The following IDO2 variants were observed in gnomAD, a reference collection of about 807,000 sequenced individuals.
The protein encoded by IDO2 is indoleamine 2,3-dioxygenase-like 1 protein.
In IDO2, 46 loss-of-function variants were observed where a neutral mutation model predicts 45.1. The observed-to-expected ratio is 1.02, with a 90% CI of 0.80 to 1.30. The LOEUF (loss-of-function observed/expected upper bound fraction) is 1.30. IDO2 is among the 50% of genes most tolerant of loss of function. The probability of loss-of-function intolerance (pLI) is 0.00; values close to 1 mark genes in which losing one functional copy is unlikely to be tolerated. For synonymous variants in IDO2, 218 were observed against 184.9 expected (o/e 1.18, Z -1.45); for missense variants, 544 against 491.8 (o/e 1.11, Z -1.00).
chr8:40,005,268 C>T, intron 8 of IDO2, 59 bp from the exon 9 acceptor site: 1 of 1,227,312 alleles, frequency 8.1e-7, no homozygotes, highest in African/African-American at 1.5e-5. Context: ...GGCCCATGCA[C>T]ATGTAACCAA....
At chr8:39,971,355 G>T (rs556652964) in intron 3 of IDO2, among the ~76,000 whole-genome samples, 3 of 152,122 alleles carry the variant, frequency 2.0e-5, no homozygotes, top group Non-Finnish European at 4.4e-5. Flanking sequence ...AAATATTACT[G>T]CTTATTAACA....
At chr8:39,973,595 T>A (rs952117810) in intron 3 of IDO2, among the ~76,000 whole-genome samples, 3 of 152,096 alleles carry the variant, frequency 2.0e-5, no homozygotes, top group African/African-American at 7.2e-5. Flanking sequence ...GCATTCTAAT[T>A]GTGCATTGTG....
intron 5 of IDO2, among the ~76,000 whole-genome samples, chr8:39,984,732 G>A (rs2129594580): frequency 6.6e-6 from 1 of 152,252 alleles, no homozygotes; most frequent in African/African-American, 2.4e-5. Flanking sequence ...AAATGTCAAA[G>A]AGTGACTCAA....
At chr8:39,990,643 T>A (rs1274525120) in intron 8 of IDO2, among the ~76,000 whole-genome samples, 5 of 152,228 alleles carry the variant, frequency 3.3e-5, no homozygotes, top group Non-Finnish European at 7.3e-5. Context: ...AGTTACATAA[T>A]TGTCCTCATT....
chr8:39,988,729 C>G (rs1226267196), intron 7 of IDO2, among the ~76,000 whole-genome samples: 1 of 152,088 alleles, frequency 6.6e-6, no homozygotes, highest in African/African-American at 2.4e-5. Flanking sequence ...CACTACCTCC[C>G]TTGATAAGCA....
At chr8:39,962,767 A>T (rs1808019213) in intron 2 of IDO2, among the ~76,000 whole-genome samples, 1 of 152,228 alleles carries the variant, frequency 6.6e-6, no homozygotes, top group Non-Finnish European at 1.5e-5. Context: ...TGGTTCCACC[A>T]GTTTTCCTAC....
intron 2 of IDO2, among the ~76,000 whole-genome samples, chr8:39,961,320 CTTTT>C (rs57577433): frequency 2.8e-5 from 3 of 106,112 alleles, no homozygotes; most frequent in Non-Finnish European, 1.9e-5. Flanking sequence ...TTGTATACTT[CTTTT>C]TTTTTTTTTT....
chr8:39,944,596 C>T (rs4090533), intron 1 of IDO2, among the ~76,000 whole-genome samples: 1 of 152,064 alleles, frequency 6.6e-6, no homozygotes, highest in Non-Finnish European at 1.5e-5. Flanking sequence ...GCTATATCCG[C>T]AATTCACAGG....
At chr8:40,011,252 C>T (rs1238810205) in intron 9 of IDO2, among the ~76,000 whole-genome samples, 1 of 152,134 alleles carries the variant, frequency 6.6e-6, no homozygotes, top group Non-Finnish European at 1.5e-5. Flanking sequence ...TAGAGAAGAC[C>T]ATTTGGGAAT....
At chr8:39,968,078 C>CA (rs35600937) in intron 3 of IDO2, among the ~76,000 whole-genome samples, 46,813 of 139,104 alleles carry the variant, frequency 0.34, 8,513 homozygotes, top group African/African-American at 0.51. Context: ...TCATAATCAC[C>CA]AAAAAAAAAA....
intron 9 of IDO2, among the ~76,000 whole-genome samples, chr8:40,007,630 G>A (rs968454314): frequency 1.3e-5 from 2 of 152,138 alleles, no homozygotes; most frequent in Non-Finnish European, 2.9e-5. Context: ...AACAGACTGG[G>A]ATTTAGGAAG....
At chr8:40,015,553 A>T in exon 11 of IDO2, 1 of 1,613,926 alleles carries the variant, frequency 6.2e-7, no homozygotes, top group Non-Finnish European at 8.5e-7. Flanking sequence ...AGCTTTCTTA[A>T]GAGTGTCAGG....
intron 7 of IDO2, among the ~76,000 whole-genome samples, chr8:39,988,491 G>T (rs1371460063): frequency 1.3e-5 from 2 of 152,212 alleles, no homozygotes; most frequent in Admixed American, 6.5e-5. Flanking sequence ...GAGTGCAATG[G>T]CGTGGTTTTA....
intron 1 of IDO2, among the ~76,000 whole-genome samples, chr8:39,937,931 T>C (rs116691269): frequency 0.014 from 2,145 of 152,290 alleles, 64 homozygotes; most frequent in African/African-American, 0.049. Context: ...TTGTAGACCA[T>C]GCAAACAATC....
intron 8 of IDO2, among the ~76,000 whole-genome samples, chr8:39,996,916 C>A (rs1802053623): frequency 6.6e-6 from 1 of 152,180 alleles, no homozygotes; most frequent in African/African-American, 2.4e-5. Context: ...TTAACAGGCA[C>A]AATGAACATT....
At chr8:40,000,763 T>G (rs1802122862) in intron 8 of IDO2, among the ~76,000 whole-genome samples, 1 of 152,174 alleles carries the variant, frequency 6.6e-6, no homozygotes, top group Non-Finnish European at 1.5e-5. Flanking sequence ...CAACAGGACT[T>G]TACATTCATC....
intron 3 of IDO2, among the ~76,000 whole-genome samples, chr8:39,978,485 A>ACG (rs916221883): frequency 6.6e-6 from 1 of 151,982 alleles, no homozygotes; most frequent in Non-Finnish European, 1.5e-5. Flanking sequence ...TACCGCCTTT[A>ACG]CGCGTCACAG....
At position 40,005,390 on chromosome 8, in the gene IDO2, T is replaced by C; in HGVS notation, c.719+12T>C. 1 of 1,530,426 alleles carries C rather than the reference T, an allele frequency of 6.5e-7. No individual in the cohort carries two copies. The highest frequency in any genetic ancestry group is 8.9e-7 in the Non-Finnish European group (1 of 1,122,174). The allele number at this position is 1,530,426 out of a possible 1,614,324, so 94.8% of individuals were successfully genotyped here. On this transcript the variant is annotated intron_variant, in intron 9 of 10. Coordinates refer to ENST00000502986, the Ensembl canonical transcript of IDO2. ...ATCTTTCTCTCTGGGTAAGTATAGT[T>C]CAGTTGTTTTCCTGTGTGAAGTCTC...
intron 1 of IDO2, among the ~76,000 whole-genome samples, chr8:39,946,384 C>T (rs188984413): frequency 2.1e-3 from 316 of 151,926 alleles, no homozygotes; most frequent in Non-Finnish European, 3.6e-3. Flanking sequence ...CCAAGGCAGG[C>T]GGATCACAAG....
Sources: allele counts gnomAD v4.1 joint callset (sites outside exome capture counted in the v4.1 genomes callset), GRCh38; gene constraint gnomAD v4.1.1; transcripts MANE v1.5; gene names NCBI Gene and HGNC (gene_info 2026-07-23, HGNC 2026-07-21).